TAFA5: variants seen among roughly 807,000 people sequenced by gnomAD.
The protein encoded by TAFA5 is chemokine-like protein TAFA-5.
A neutral mutation model predicts 15.3 loss-of-function variants in TAFA5; 6 were observed. The ratio of observed to expected loss-of-function variants is 0.39; its 90% confidence interval spans 0.21 to 0.77. The LOEUF (loss-of-function observed/expected upper bound fraction) is 0.77, where lower values mean the gene tolerates loss of function less well. Ranked by LOEUF, TAFA5 falls within the 30% of genes least tolerant of loss-of-function variation. The pLI, the probability that TAFA5 is intolerant of heterozygous loss-of-function variation, is 0.41. For synonymous variants in TAFA5, 103 were observed against 80.7 expected, an observed-to-expected ratio of 1.28 and a Z score of -1.48; for missense variants, 161 against 193.1, an observed-to-expected ratio of 0.83 and a Z score of 0.98.
chr22:48,587,673 C>G (rs1924410023), intron 1 of TAFA5, among the ~76,000 whole-genome samples: 1 of 152,234 alleles, frequency 6.6e-6, no homozygotes, highest in African/African-American at 2.4e-5. Context: ...AGGCCAGGCC[C>G]TGGCTCTCTG....
At chr22:48,582,326 TACCACACACAAAATAC>T (rs1344836826) in intron 1 of TAFA5, among the ~76,000 whole-genome samples, 36 of 147,834 alleles carry the variant, frequency 2.4e-4, no homozygotes, top group East Asian at 1.2e-3. Context: ...ATACACCACA[TACCACACACAAAATAC>T]ACCACACACA....
intron 1 of TAFA5, among the ~76,000 whole-genome samples, chr22:48,586,197 A>G (rs1217575853): frequency 6.6e-6 from 1 of 152,224 alleles, no homozygotes; most frequent in Non-Finnish European, 1.5e-5. Flanking sequence ...CAGATCCCAG[A>G]GGATAGCAGG....
chr22:48,500,574 G>C (rs761762437), intron 1 of TAFA5, among the ~76,000 whole-genome samples: 2 of 152,358 alleles, frequency 1.3e-5, no homozygotes, highest in Admixed American at 6.5e-5. Context: ...CGCCGGGCCC[G>C]CAGGCGGGCT....
Position 48,576,039 on chromosome 22 carries a change from ACCC to A in TAFA5, c.113-70546_113-70544del, listed in dbSNP as rs535068094. ...GAGGAGGGGGCCGGGGCCGCGCCGG[ACCC>A]CCCCCCCCCCCGCGCCGCCCGGCCG... On this transcript the variant is annotated intron_variant, in intron 1 of 3. Transcript: ENST00000402357. 2.7e-3 allele frequency among the ~76,000 whole-genome samples: 84 copies of A among 31,434 alleles called. 2 individuals are homozygous for A. Among genetic ancestry groups the A allele is most frequent in the Admixed American group, 0.024 (81 of 3,376 alleles). 20.6% of individuals were successfully genotyped at this position (31,434 alleles called of 152,430 possible).
At chr22:48,680,776 G>A (rs769193379) in intron 2 of TAFA5, among the ~76,000 whole-genome samples, 2 of 152,226 alleles carry the variant, frequency 1.3e-5, no homozygotes, top group African/African-American at 2.4e-5. Flanking sequence ...CACTGCAGCC[G>A]CCTTGGGAGC....
At chr22:48,543,431 G>C (rs1922535319) in intron 1 of TAFA5, 1 of 152,206 alleles carries the variant, frequency 6.6e-6, no homozygotes, top group Non-Finnish European at 1.5e-5. Context: ...AACAGCAGGT[G>C]GTGGGGGCCT....
chr22:48,739,824 C>T (rs1488167677), intron 3 of TAFA5, among the ~76,000 whole-genome samples: 2 of 152,164 alleles, frequency 1.3e-5, no homozygotes, highest in African/African-American at 4.8e-5. Flanking sequence ...GAGCTGACAG[C>T]GCCTCCCCGT....
intron 1 of TAFA5, among the ~76,000 whole-genome samples, chr22:48,633,957 C>G (rs180692262): frequency 6.6e-6 from 1 of 152,182 alleles, no homozygotes; most frequent in Non-Finnish European, 1.5e-5. Context: ...GAGGCCCCCA[C>G]GCTTTCCAGG....
chr22:48,700,589 A>AGTGGGGGTATTGG (rs148638632), intron 2 of TAFA5, among the ~76,000 whole-genome samples: 6,099 of 152,172 alleles, frequency 0.04, 344 homozygotes, highest in African/African-American at 0.13. Flanking sequence ...CTCCCTCGGG[A>AGTGGGGGTATTGG]GTGGGGGTGC....
intron 1 of TAFA5, among the ~76,000 whole-genome samples, chr22:48,574,088 G>A (rs143508325): frequency 6.2e-4 from 94 of 152,256 alleles, no homozygotes; most frequent in African/African-American, 1.6e-3. Flanking sequence ...CCTAGAGAAT[G>A]TCTAGGGGTG....
At chr22:48,492,151 A>T (rs924283235) in intron 1 of TAFA5, among the ~76,000 whole-genome samples, 1 of 145,892 alleles carries the variant, frequency 6.9e-6, no homozygotes, top group Non-Finnish European at 1.5e-5. Flanking sequence ...TTCAGAACCG[A>T]TAAAGCAAAT....
At chr22:48,581,978 C>T (rs538762119) in intron 1 of TAFA5, among the ~76,000 whole-genome samples, 8 of 152,210 alleles carry the variant, frequency 5.3e-5, no homozygotes, top group South Asian at 4.1e-4. Flanking sequence ...TGTGGGTCTG[C>T]GTGGAACATG....
At chr22:48,682,812 G>A (rs1345731541) in intron 2 of TAFA5, among the ~76,000 whole-genome samples, 1 of 151,852 alleles carries the variant, frequency 6.6e-6, no homozygotes, top group African/African-American at 2.4e-5. Flanking sequence ...TTTTTTTTGT[G>A]CGTGTGTTTA....
rs978537659 is a variant in TAFA5 at position 48,490,253 on chromosome 22, G to C, written c.112+549G>C. Among the ~76,000 whole-genome samples, 2 of 152,136 alleles carry C rather than the reference G, an allele frequency of 1.3e-5. No homozygotes were observed. The highest frequency in any genetic ancestry group is 2.4e-5 in the African/African-American group (1 of 41,452). ...GCTCGTCAGGCGCCTTCTGGAAAGA[G>C]AAGCGAAGTGAGGGATGGGATGCCC... On this transcript the variant is annotated intron_variant, in intron 1 of 3. Transcript: ENST00000402357. This position sits in a 1 kb window ranked among gnomAD's most constrained non-coding sequence, Gnocchi z 5.8.
chr22:48,663,405 G>A (rs1927511833), intron 2 of TAFA5, among the ~76,000 whole-genome samples: 1 of 152,106 alleles, frequency 6.6e-6, no homozygotes, highest in Non-Finnish European at 1.5e-5. Context: ...CACTGGTGAC[G>A]AGGGGAGACG....
rs772174354 is a variant in TAFA5, at chr22:48,560,235, G to A, written c.112+70531G>A. ...GGCGGGGGTGTGATGTGGCTGAGGC[G>A]TCTGTCCCTGTCGTGCGCCCAGGCT... On this transcript the variant is annotated intron_variant, in intron 1 of 3. Transcript: ENST00000402357. This position sits in a 1 kb window ranked among gnomAD's most constrained non-coding sequence, Gnocchi z 4.2. 3.3e-5 allele frequency among the ~76,000 whole-genome samples: 5 copies of A among 152,220 alleles called. No individual in the cohort carries two copies. Among genetic ancestry groups the A allele is most frequent in the Admixed American group, 6.5e-5 (1 of 15,294 alleles).
At chr22:48,569,269 GA>G (rs1923504894) in intron 1 of TAFA5, among the ~76,000 whole-genome samples, 2 of 152,226 alleles carry the variant, frequency 1.3e-5, no homozygotes, top group South Asian at 4.1e-4. Flanking sequence ...TAAAGCTCTA[GA>G]GGAGTGTGAG....
intron 1 of TAFA5, among the ~76,000 whole-genome samples, chr22:48,519,994 A>G (rs1921547630): frequency 6.6e-6 from 1 of 152,212 alleles, no homozygotes; most frequent in South Asian, 2.1e-4. Flanking sequence ...CGAGAGTTGG[A>G]TAGGCCCTAA....
Position 48,598,531 on chromosome 22 carries a change from G to C in TAFA5, c.113-48066G>C, listed in dbSNP as rs555545480. The stretch of plus-strand genomic sequence containing the variant: ...TGGCCATTTCGTGGGCCCAGCAGTG[G>C]CTGCATCTTAGGCAGTTGTGTGAGA... On this transcript the variant is annotated intron_variant, in intron 1 of 3. Coordinates refer to ENST00000402357, the MANE Select transcript of TAFA5 (RefSeq NM_001082967.3). This position sits in a 1 kb window ranked among gnomAD's most constrained non-coding sequence, Gnocchi z 4.0. Among the ~76,000 whole-genome samples, 22 of 152,128 alleles carry C rather than the reference G, an allele frequency of 1.4e-4. No homozygotes were observed. The highest frequency in any genetic ancestry group is 5.1e-4 in the African/African-American group (21 of 41,438).
Sources: gnomAD v4.1 joint callset for allele counts (sites outside exome capture counted in the v4.1 genomes callset) on GRCh38, gnomAD v4.1.1 for gene constraint, Gnocchi (gnomAD v3.1) non-coding constraint, MANE v1.5 for transcripts, NCBI Gene and HGNC (gene_info 2026-07-23, HGNC 2026-07-21) for gene names.